BFSP1: variants seen among roughly 807,000 people sequenced by gnomAD.
The protein encoded by BFSP1 is beaded filament structural protein 1.
Under a neutral mutation model 43.9 loss-of-function variants are expected in BFSP1, and 38 were observed. The ratio of observed to expected loss-of-function variants is 0.87; its 90% CI spans 0.67 to 1.14. The LOEUF (loss-of-function observed/expected upper bound fraction) is 1.14. Ranked by LOEUF, BFSP1 falls within the 50% of genes most tolerant of loss-of-function variation. BFSP1 has a pLI of 0.00. For missense variants in BFSP1, 850 were observed against 875.1 expected, an observed-to-expected ratio of 0.97 and a Z score of 0.36; for synonymous variants, 352 against 354.8, an observed-to-expected ratio of 0.99 and a Z score of 0.09.
At chr20:17,532,854 A>T (rs1208618039), upstream of BFSP1, among the ~76,000 whole-genome samples, 1 of 152,200 alleles carries the variant, frequency 6.6e-6, no homozygotes, top group Non-Finnish European at 1.5e-5. Flanking sequence ...ATAATTACTA[A>T]CTATATGGAT....
upstream of BFSP1, chr20:17,563,173 T>A (rs1213464358): frequency 1.3e-5 from 2 of 152,252 alleles, no homozygotes; most frequent in South Asian, 4.1e-4. Flanking sequence ...TTTCTCCTTC[T>A]TCCTTAGTAA....
At chr20:17,517,614 A>T (rs994161070) in intron 2 of BFSP1, among the ~76,000 whole-genome samples, 2 of 152,208 alleles carry the variant, frequency 1.3e-5, no homozygotes, top group African/African-American at 4.8e-5. Flanking sequence ...TAGCCACTTT[A>T]AATAAAATAA....
intron 1 of BFSP1, among the ~76,000 whole-genome samples, chr20:17,546,399 C>T (rs762406389): frequency 1.3e-5 from 2 of 152,146 alleles, no homozygotes; most frequent in Non-Finnish European, 2.9e-5. Flanking sequence ...GTGGAAATTA[C>T]AATTAAAGAT....
At chr20:17,512,813 G>A (rs2034117916) in intron 3 of BFSP1, among the ~76,000 whole-genome samples, 1 of 152,162 alleles carries the variant, frequency 6.6e-6, no homozygotes, top group Admixed American at 6.5e-5. Context: ...AATCAGGCCT[G>A]GACTAAAAGA....
chr20:17,515,679 C>A (rs1432216406), intron 2 of BFSP1, among the ~76,000 whole-genome samples: 2 of 152,172 alleles, frequency 1.3e-5, no homozygotes, highest in Non-Finnish European at 2.9e-5. Context: ...GACTTATATA[C>A]TTTGGCATCT....
chr20:17,554,038 C>T (rs1349448585), intron 1 of BFSP1, among the ~76,000 whole-genome samples: 1 of 150,820 alleles, frequency 6.6e-6, no homozygotes, highest in Non-Finnish European at 1.5e-5. Flanking sequence ...TTATGTCCCC[C>T]AAATTTAAAA....
chr20:17,517,437 C>T, intron 2 of BFSP1: 1 of 624,588 alleles, frequency 1.6e-6, no homozygotes, highest in Non-Finnish European at 2.9e-6. Context: ...GTGCACACCA[C>T]CACGCCCAGC....
At chr20:17,551,135 T>C (rs1432673759) in intron 1 of BFSP1, among the ~76,000 whole-genome samples, 1 of 152,210 alleles carries the variant, frequency 6.6e-6, no homozygotes, top group African/African-American at 2.4e-5. Flanking sequence ...CTTGCATTGC[T>C]ATAAATACCT....
rs564425013 is a variant in BFSP1, at chr20:17,507,015, C to T, written c.735+1874G>A. On this transcript the variant is annotated intron_variant, in intron 5 of 7. Transcript: ENST00000377873. The surrounding 1 kb of genome is among the most constrained non-coding windows in gnomAD (Gnocchi z 4.4). ...CTCCTGCAGCCACTCAGGACAGAAA[C>T]AGGCGGCCAACCAGCGGTTTCATTT... is the stretch of plus-strand genomic sequence containing the variant. 5 of 152,324 alleles carry T rather than the reference C, an allele frequency of 3.3e-5. No individual in the cohort carries two copies. The highest frequency in any genetic ancestry group is 1.2e-4 in the African/African-American group (5 of 41,572). 9.4% of individuals were successfully genotyped at this position (152,324 alleles called of 1,614,324 possible). A position where few individuals can be genotyped will look rare whatever the true frequency, so the allele number is the denominator to read the frequency against.
intron 5 of BFSP1, among the ~76,000 whole-genome samples, chr20:17,505,981 T>C (rs2033928179): frequency 6.6e-6 from 1 of 152,252 alleles, no homozygotes; most frequent in African/African-American, 2.4e-5. Context: ...TTAAAGTTCT[T>C]AATCAGTTAC....
At chr20:17,516,521 A>G (rs1257861594) in intron 2 of BFSP1, among the ~76,000 whole-genome samples, 1 of 152,148 alleles carries the variant, frequency 6.6e-6, no homozygotes, top group Non-Finnish European at 1.5e-5. Flanking sequence ...CACCTAAGAC[A>G]CCAGAGCTGA....
At chr20:17,547,018 C>A (rs1398624375) in intron 1 of BFSP1, among the ~76,000 whole-genome samples, 3 of 115,506 alleles carry the variant, frequency 2.6e-5, no homozygotes, top group Non-Finnish European at 5.2e-5. Flanking sequence ...CAGAGCAAGA[C>A]TCCATCTCAA....
chr20:17,535,140 A>G (rs1334343982), upstream of BFSP1, among the ~76,000 whole-genome samples: 1 of 152,232 alleles, frequency 6.6e-6, no homozygotes, highest in East Asian at 1.9e-4. Context: ...TATAAATAGT[A>G]GATTAGAACA....
chr20:17,497,596 GTA>G (rs761909027), intron 6 of BFSP1, among the ~76,000 whole-genome samples: 1,288 of 82,912 alleles, frequency 0.016, 28 homozygotes, highest in African/African-American at 0.064. Flanking sequence ...ATATATACGT[GTA>G]TATATATACG....
At chr20:17,554,649 AG>A (rs2034960437) in intron 1 of BFSP1, among the ~76,000 whole-genome samples, 1 of 152,256 alleles carries the variant, frequency 6.6e-6, no homozygotes, top group Admixed American at 6.5e-5. Flanking sequence ...AGAGCAGAAC[AG>A]ATGATGGAAT....
At chr20:17,568,550 C>T (rs773888915) in intron 1 of BFSP1, among the ~76,000 whole-genome samples, 1 of 152,032 alleles carries the variant, frequency 6.6e-6, no homozygotes, top group African/African-American at 2.4e-5. Context: ...TCTCAAGCAT[C>T]ATCTTAGAAG....
intron 2 of BFSP1, chr20:17,517,120 A>G: frequency 1.2e-6 from 1 of 806,046 alleles, no homozygotes; most frequent in South Asian, 1.3e-5. Context: ...AATAAGCACA[A>G]GAGGAAGAAG....
At chr20:17,563,168 CCTT>C (rs1316122814), upstream of BFSP1, 1 of 152,254 alleles carries the variant, frequency 6.6e-6, no homozygotes, top group African/African-American at 2.4e-5. Context: ...TCCATTTTCT[CCTT>C]CTTCCTTAGT....
intron 1 of BFSP1, chr20:17,565,709 T>G (rs1254448641): frequency 6.6e-6 from 1 of 152,240 alleles, no homozygotes; most frequent in South Asian, 2.1e-4. Context: ...AGGAGAGGAC[T>G]GGGATTATGG....
Sources: allele counts gnomAD v4.1 joint callset (sites outside exome capture counted in the v4.1 genomes callset), GRCh38; gene constraint gnomAD v4.1.1; non-coding constraint Gnocchi (gnomAD v3.1); transcripts MANE v1.5; gene names NCBI Gene and HGNC (gene_info 2026-07-23, HGNC 2026-07-21).